Variants in NTNG2 observed in about 807,000 individuals in gnomAD.
The protein encoded by NTNG2 is netrin-G2.
NTNG2 carries 15 observed loss-of-function variants against 47.6 expected under a neutral mutation model. That is an observed-to-expected ratio of 0.32 (90% CI 0.21 to 0.49). The LOEUF (loss-of-function observed/expected upper bound fraction) is 0.49, where lower values mean the gene tolerates loss of function less well. Ranked by LOEUF, NTNG2 falls within the 20% of genes least tolerant of loss-of-function variation. The probability of loss-of-function intolerance (pLI) is 0.99; values close to 1 mark genes in which losing one functional copy is unlikely to be tolerated. For missense variants in NTNG2, 578 were observed against 764.6 expected (o/e 0.76, Z 2.88); for synonymous variants, 307 against 324.6 (o/e 0.95, Z 0.58).
chr9:132,241,834 G>A (rs1474836339), intron 7 of NTNG2, 42 bp from the exon 8 acceptor site: 4 of 1,421,382 alleles, frequency 2.8e-6, no homozygotes, highest in Middle Eastern at 2.2e-4. Flanking sequence ...TTGGCGGGGG[G>A]ACCGGGCCAC....
intron 3 of NTNG2, among the ~76,000 whole-genome samples, chr9:132,199,556 G>A (rs1203604465): frequency 6.6e-6 from 1 of 152,206 alleles, no homozygotes; most frequent in African/African-American, 2.4e-5. Flanking sequence ...AAGCCTCAGT[G>A]TTCAGAGTTT....
intron 3 of NTNG2, among the ~76,000 whole-genome samples, chr9:132,211,912 G>A (rs947132085): frequency 6.6e-6 from 1 of 152,170 alleles, no homozygotes; most frequent in African/African-American, 2.4e-5. Context: ...TATATGTGTG[G>A]AATTCATTCA....
chr9:132,166,699 G>A lies in NTNG2; in HGVS notation c.-133G>A, dbSNP rs186208623. On this transcript the variant is annotated 5_prime_UTR_variant, in exon 2 of 8. Transcript: ENST00000393229. ...CGCTGTTTGCAAAGCTTCAGTGCTC[G>A]GGTCCCTGGGACACCCCGGCCACCC... The A allele has an allele frequency of 1.8e-3, 1,390 of 766,538 alleles. 2 individuals carry two copies. Among genetic ancestry groups the A allele is most frequent in the Non-Finnish European group, 2.5e-3 (1,139 of 452,606 alleles). 47.5% of individuals were successfully genotyped at this position (766,538 alleles called of 1,614,324 possible).
chr9:132,210,513 C>G (rs915632774), intron 3 of NTNG2, among the ~76,000 whole-genome samples: 1 of 152,174 alleles, frequency 6.6e-6, no homozygotes, highest in African/African-American at 2.4e-5. Flanking sequence ...TAGGTATAGC[C>G]AAAGGTACTT....
intron 2 of NTNG2, among the ~76,000 whole-genome samples, chr9:132,194,395 C>A (rs1201962781): frequency 6.6e-6 from 1 of 152,242 alleles, no homozygotes; most frequent in African/African-American, 2.4e-5. Flanking sequence ...CCCACTCAGG[C>A]CATTGGGCCA....
intron 1 of NTNG2, among the ~76,000 whole-genome samples, chr9:132,164,150 C>T (rs1420433117): frequency 2.0e-5 from 3 of 152,244 alleles, no homozygotes; most frequent in African/African-American, 7.2e-5. Flanking sequence ...GCGATGCCAG[C>T]AACGCCCAAT....
chr9:132,211,927 T>G (rs900191826), intron 3 of NTNG2, among the ~76,000 whole-genome samples: 5 of 152,188 alleles, frequency 3.3e-5, no homozygotes, highest in Non-Finnish European at 7.4e-5. Context: ...CATTCATTCA[T>G]TCAGTCAGTC....
chr9:132,181,086 A>G (rs1836900948), intron 2 of NTNG2, among the ~76,000 whole-genome samples: 2 of 151,884 alleles, frequency 1.3e-5, no homozygotes, highest in Non-Finnish European at 2.9e-5. Flanking sequence ...TTGTCTGAGG[A>G]CTTTCTCTTT....
chr9:132,186,229 C>A (rs185558622), intron 2 of NTNG2, among the ~76,000 whole-genome samples: 1 of 152,156 alleles, frequency 6.6e-6, no homozygotes, highest in African/African-American at 2.4e-5. Context: ...CTGAGACAGA[C>A]GCCCATGTGT....
rs1057359361 is a variant in NTNG2 at position 132,228,231 on chromosome 9, G to A, written c.1030+1210G>A. On this transcript the variant is annotated intron_variant, in intron 4 of 7. Transcript: ENST00000393229. ...TAGGCTGATCAAAGCTGAGAGCCAC[G>A]TGCAGAGGCCATGACAGGCATGTCA... Among the ~76,000 whole-genome samples the A allele has an allele frequency of 6.6e-5, 10 of 152,252 alleles. No homozygotes were observed. The East Asian group carries it at 7.7e-4, about 12-fold the overall frequency.
chr9:132,241,356 G>A (rs1841974906), intron 7 of NTNG2: 4 of 454,522 alleles, frequency 8.8e-6, no homozygotes, highest in Non-Finnish European at 1.6e-5. Flanking sequence ...AGACGGAGCT[G>A]GCAGGTGGGC....
intron 2 of NTNG2, among the ~76,000 whole-genome samples, chr9:132,187,211 G>A (rs1480764202): frequency 6.6e-6 from 1 of 152,258 alleles, no homozygotes; most frequent in African/African-American, 2.4e-5. Context: ...TCATTGCTGG[G>A]ACAAGCGAGT....
At chr9:132,225,663 C>T (rs1840701278) in intron 3 of NTNG2, among the ~76,000 whole-genome samples, 1 of 152,142 alleles carries the variant, frequency 6.6e-6, no homozygotes. Context: ...TAGGCAATGT[C>T]CAAATTTCCA....
At position 132,242,121 on chromosome 9, in the gene NTNG2, G is replaced by A. The variant is rs1460927424; in HGVS notation, c.*10G>A. 9.0e-7 allele frequency: 1 copy of A among 1,115,450 alleles called. No homozygotes were observed. The allele number at this position is 1,115,450 out of a possible 1,614,324, so 69.1% of individuals were successfully genotyped here. ...CCGCCTGGGCCGCTGAGCCCCGCCCGGAGGACGCTCCCCGCACCCGGAGGC... is the reference window on the plus strand; with the variant it reads ...CCGCCTGGGCCGCTGAGCCCCGCCCAGAGGACGCTCCCCGCACCCGGAGGC... On this transcript the variant is annotated 3_prime_UTR_variant, in exon 8 of 8. Coordinates refer to ENST00000393229, the MANE Select transcript of NTNG2 (RefSeq NM_032536.4). This position sits in a 1 kb window ranked among gnomAD's most constrained non-coding sequence, Gnocchi z 5.9.
Position 132,231,206 on chromosome 9 carries a change from G to A in NTNG2, c.1054+611G>A, listed in dbSNP as rs912077341. The A allele has an allele frequency of 1.4e-5, 6 of 422,592 alleles. No individual in the cohort carries two copies. The highest frequency in any genetic ancestry group is 2.9e-5 in the Non-Finnish European group (6 of 209,820). The allele number at this position is 422,592 out of a possible 1,614,324, so 26.2% of individuals were successfully genotyped here. On this transcript the variant is annotated intron_variant, in intron 5 of 7. Coordinates refer to ENST00000393229, the MANE Select transcript of NTNG2 (RefSeq NM_032536.4). The surrounding 1 kb of genome is among the most constrained non-coding windows in gnomAD (Gnocchi z 4.1). ...CCTGAGAGTTCCCCAGGAGGGCGAG[G>A]GCGACATGGCGCCCACAGGTTATCA...
intron 3 of NTNG2, among the ~76,000 whole-genome samples, chr9:132,201,718 G>T (rs764007569): frequency 2.0e-5 from 3 of 152,134 alleles, no homozygotes; most frequent in Non-Finnish European, 4.4e-5. Context: ...ATTTGCTACG[G>T]GCTCATTTGC....
chr9:132,230,242 C>T (rs1035988439), intron 4 of NTNG2, among the ~76,000 whole-genome samples: 13 of 152,232 alleles, frequency 8.5e-5, no homozygotes. Flanking sequence ...AGGAGGAGTG[C>T]GTGTGAAGCT....
chr9:132,194,637 C>G (rs1408308714), intron 2 of NTNG2, among the ~76,000 whole-genome samples: 19 of 152,232 alleles, frequency 1.2e-4, no homozygotes, highest in Non-Finnish European at 2.9e-5. Flanking sequence ...CAGTCCTACC[C>G]TGGCCCGGGC....
intron 5 of NTNG2, chr9:132,238,841 C>A (rs1276420204): frequency 1.5e-5 from 8 of 544,178 alleles, no homozygotes; most frequent in African/African-American, 1.9e-5. Context: ...GCCCACTGGC[C>A]CTCCCTGGTT....
Sources: gnomAD v4.1 joint callset for allele counts (sites outside exome capture counted in the v4.1 genomes callset) on GRCh38, gnomAD v4.1.1 for gene constraint, Gnocchi (gnomAD v3.1) non-coding constraint, MANE v1.5 for transcripts, NCBI Gene and HGNC (gene_info 2026-07-23, HGNC 2026-07-21) for gene names.